The following PLEC variants were observed in gnomAD, a reference collection of about 807,000 sequenced individuals.
PLEC encodes the protein hemidesmosomal protein 1.
Under a neutral mutation model 392.8 loss-of-function variants are expected in PLEC, and 216 were observed. The ratio of observed to expected loss-of-function variants is 0.55; its 90% CI spans 0.49 to 0.62. The LOEUF (loss-of-function observed/expected upper bound fraction) is 0.62. Among genes scored for constraint, PLEC ranks in the 20% least tolerant of loss-of-function variants. The pLI, the probability that PLEC is intolerant of heterozygous loss-of-function variation, is 0.00. For synonymous variants in PLEC, 3,621 were observed against 2,980.6 expected (o/e 1.21, Z -7.00); for missense variants, 6,863 against 6,563.4 (o/e 1.05, Z -1.58).
At chr8:143,928,072 C>G in intron 25 of PLEC, 80 bp from the exon 26 acceptor site, 1 of 1,499,848 alleles carries the variant, frequency 6.7e-7, no homozygotes, top group South Asian at 1.3e-5. Context: ...GCCACAGCGA[C>G]CCAGGGTGCT....
chr8:143,927,262 T>C lies in PLEC; in HGVS notation c.3830A>G (p.Asn1277Ser), dbSNP rs199949229. Residue 1277 changes from asparagine to serine, a missense_variant, in exon 28 of 32, where the codon AAC (asparagine) becomes AGC (serine). By Grantham distance (46) the Asn-to-Ser change is conservative (BLOSUM62 1). Coordinates refer to ENST00000345136, the MANE Select transcript of PLEC (RefSeq NM_201384.3). ...ECQRFAKQYINAIKDYELQLV... is the reference protein window; with the variant it reads ...ECQRFAKQYISAIKDYELQLV... ...GCGGCTGGGCCTCACCTTGATGGCG[T>C]TGATGTACTGTTTCGCAAACCTCTG... 3.7e-6 allele frequency: 6 copies of C among 1,612,972 alleles called. No homozygotes were observed. Among genetic ancestry groups the C allele is most frequent in the Non-Finnish European group, 5.1e-6 (6 of 1,179,814 alleles).
chr8:143,953,674 G>A (rs1019371494), upstream of PLEC: 2 of 1,573,348 alleles, frequency 1.3e-6, no homozygotes, highest in Admixed American at 1.7e-5. Context: ...CCCAGCCAGA[G>A]GTCACTGTGT....
chr8:143,949,274 T>G (rs1831850774), intron 1 of PLEC, among the ~76,000 whole-genome samples: 2 of 152,116 alleles, frequency 1.3e-5, no homozygotes, highest in South Asian at 4.1e-4. Flanking sequence ...AGCAAGCTGC[T>G]CCCAGGTGCC....
rs782149615 is a variant in PLEC at position 143,939,322 on chromosome 8, C to T, written c.112+28G>A. On this transcript the variant is annotated intron_variant, in intron 1 of 31. Transcript: ENST00000345136. ...TCCCGCAGGGGCCCGCCCTGCCTGGCGGGGGTGCCCGAGGGGAGCCCTGCT... is the reference window on the plus strand; with the variant it reads ...TCCCGCAGGGGCCCGCCCTGCCTGGTGGGGGTGCCCGAGGGGAGCCCTGCT... The T allele has an allele frequency of 6.3e-6, 10 of 1,599,148 alleles. No individual in the cohort carries two copies. The Admixed American group carries it at 8.6e-5, about 14-fold the overall frequency.
rs782148306 is a variant in PLEC at position 143,918,273 on chromosome 8, A to G, written c.11548T>C (p.Ser3850Pro). 6.3e-7 allele frequency: 1 copy of G among 1,592,020 alleles called. No individual in the cohort carries two copies. Among genetic ancestry groups the G allele is most frequent in the Non-Finnish European group, 8.5e-7 (1 of 1,176,662 alleles). Residue 3850 changes from serine (S) to proline (P), a missense_variant, in exon 32 of 32, where the codon TCC becomes CCC. Coordinates refer to ENST00000345136, the MANE Select transcript of PLEC (RefSeq NM_201384.3). ...PSEVRSYVDP[S>P]TDERLSYTQL... is the part of the protein sequence containing the mutation. Reference sequence around the variant, plus strand: ...GTGTAGCTGAGGCGCTCGTCGGTGGACGGGTCCACGTAGCTGCGCACCTCG... The same window carrying G: ...GTGTAGCTGAGGCGCTCGTCGGTGGGCGGGTCCACGTAGCTGCGCACCTCG...
intron 1 of PLEC, among the ~76,000 whole-genome samples, chr8:143,960,415 G>A (rs1403125266): frequency 6.6e-6 from 1 of 151,900 alleles, no homozygotes; most frequent in East Asian, 1.9e-4. Flanking sequence ...TCAGAAGTTC[G>A]AGACCAGCCT....
At position 143,925,736 on chromosome 8, in the gene PLEC, T is replaced by C; in HGVS notation, c.4193A>G (p.Gln1398Arg). 1 of 1,595,332 alleles carries C rather than the reference T, an allele frequency of 6.3e-7. No individual in the cohort carries two copies. Among genetic ancestry groups the C allele is most frequent in the South Asian group, 1.1e-5 (1 of 90,688 alleles). ...REAKELQQRM[Q>R]EEVVRREEAA... ...CTCCTCCCGCCGCACCACCTCCTCC[T>C]GCATGCGCTGCTGCAGCTCCTTCGC... is the stretch of plus-strand genomic sequence containing the variant. The change falls in exon 31 of 32, where the codon CAG becomes CGG. Residue 1398 changes from glutamine to arginine, a missense_variant. Gln to Arg is a conservative substitution (Grantham distance 43). Coordinates refer to ENST00000345136, the MANE Select transcript of PLEC (RefSeq NM_201384.3).
upstream of PLEC, among the ~76,000 whole-genome samples, chr8:143,956,471 G>A (rs1832601925): frequency 6.6e-6 from 1 of 152,216 alleles, no homozygotes. Flanking sequence ...GGGATGCTGA[G>A]GCAGAAGGAC....
upstream of PLEC, chr8:143,973,575 G>T (rs1222329167): frequency 2.6e-5 from 26 of 983,176 alleles, no homozygotes; most frequent in Non-Finnish European, 2.4e-5. The surrounding 1 kb of genome is among the most constrained non-coding windows in gnomAD (Gnocchi z 5.6). Flanking sequence ...CCCCCGCCCC[G>T]CCCCCGCCCC....
intron 1 of PLEC, among the ~76,000 whole-genome samples, chr8:143,948,651 C>T (rs1461152038): frequency 2.0e-5 from 3 of 152,230 alleles, no homozygotes; most frequent in East Asian, 1.9e-4. Context: ...ACTGAGTCAC[C>T]TCCATCGGGG....
chr8:143,921,771 G>A lies in PLEC; in HGVS notation c.8050C>T (p.Arg2684Trp), dbSNP rs35723243. The change falls in exon 32 of 32, where the codon CGG (arginine) becomes TGG (tryptophan). Residue 2684 changes from arginine to tryptophan, a missense_variant. Coordinates refer to ENST00000345136, the MANE Select transcript of PLEC (RefSeq NM_201384.3). Reference sequence around the variant, plus strand: ...AGGTAGTGGCGCACGTCTTCCCGCCGTGCGAGCTCGTCCACCGTGGTGTGG... The same window carrying A: ...AGGTAGTGGCGCACGTCTTCCCGCCATGCGAGCTCGTCCACCGTGGTGTGG... ...QGHTTVDELA[R>W]REDVRHYLQG... 0.03 allele frequency: 48,811 copies of A among 1,611,770 alleles called. 897 individuals are homozygous for A. Among genetic ancestry groups the A allele is most frequent in the Non-Finnish European group, 0.036 (42,220 of 1,179,858 alleles).
At chr8:143,935,732 G>T in intron 6 of PLEC, 116 bp downstream of exon 6, 1 of 1,154,816 alleles carries the variant, frequency 8.7e-7, no homozygotes, top group Non-Finnish European at 1.3e-6. Context: ...CGGCCAGCTG[G>T]CACTCATCCC....
chr8:143,942,200 A>G (rs577069506), upstream of PLEC, among the ~76,000 whole-genome samples: 23 of 151,436 alleles, frequency 1.5e-4, no homozygotes, highest in African/African-American at 4.8e-4. Flanking sequence ...TCTAGAGACA[A>G]ACAAATGGGG....
rs1554690242 is a variant in PLEC at position 143,922,711 on chromosome 8, G to C, written c.7218C>G (p.Phe2406Leu). The change falls in exon 31 of 32, where the codon TTC becomes TTG. Residue 2406 changes from phenylalanine (F) to leucine (L), a missense_variant. By Grantham distance (22) the Phe-to-Leu change is conservative. Coordinates refer to ENST00000345136, the MANE Select transcript of PLEC (RefSeq NM_201384.3). ...CACCGATCTCCTCCGCCTGCTTCCG[G>C]AAGCGCTGGGCGTCCTCCTCAGCGC... is the stretch of plus-strand genomic sequence containing the variant. The part of the protein sequence containing the change: ...QARAEEDAQR[F>L]RKQAEEIGEK... 2 of 1,612,176 alleles carry C rather than the reference G, an allele frequency of 1.2e-6. No homozygotes were observed. The highest frequency in any genetic ancestry group is 1.3e-5 in the African/African-American group (1 of 74,974).
chr8:143,934,233 G>GGGGGC (rs1828298022), intron 11 of PLEC, 85 bp downstream of exon 11: 6 of 1,594,274 alleles, frequency 3.8e-6, no homozygotes, highest in East Asian at 4.5e-5. Context: ...TTCCCCCGCC[G>GGGGGC]GGGGCGGGGC....
rs782138337 is a variant in PLEC at position 143,917,637 on chromosome 8, G to C, written c.12184C>G (p.Pro4062Ala). The C allele has an allele frequency of 6.2e-7, 1 of 1,613,648 alleles. No homozygotes were observed. Among genetic ancestry groups the C allele is most frequent in the Non-Finnish European group, 8.5e-7 (1 of 1,180,022 alleles). ...CCGCGCTTGTAGGCCACCTCCACGG[G>C]CAGCCGGTGGCTCTCCTCAGGGTCG... ...IIDPEESHRL[P>A]VEVAYKRGLF... The change falls in exon 32 of 32, where the codon CCC (proline) becomes GCC (alanine). Residue 4062 changes from proline (P) to alanine (A), a missense_variant. Coordinates refer to ENST00000345136, the MANE Select transcript of PLEC (RefSeq NM_201384.3).
At position 143,929,299 on chromosome 8, in the gene PLEC, G is replaced by A. The variant is rs782799252; in HGVS notation, c.3082-18C>T. 6.3e-7 allele frequency: 1 copy of A among 1,598,740 alleles called. No homozygotes were observed. The highest frequency in any genetic ancestry group is 8.5e-7 in the Non-Finnish European group (1 of 1,179,220). ...TGTGCCTTCTGCAAAGACAGGGAGT[G>A]GGAACGCACTCATCACCGAGCGCAG... On this transcript the variant is annotated intron_variant, in intron 24 of 31. Transcript: ENST00000345136.
chr8:143,948,078 A>G (rs939023278), intron 1 of PLEC, among the ~76,000 whole-genome samples: 1 of 152,194 alleles, frequency 6.6e-6, no homozygotes, highest in Non-Finnish European at 1.5e-5. Context: ...TGGCTAAACA[A>G]GCAGGTGGAC....
rs201199272 is a variant in PLEC at position 143,920,694 on chromosome 8, C to T, written c.9127G>A (p.Ala3043Thr). 3.9e-5 allele frequency: 63 copies of T among 1,602,712 alleles called. No individual in the cohort carries two copies. The highest frequency in any genetic ancestry group is 4.7e-5 in the Non-Finnish European group (56 of 1,179,894). ...EAGQKLSIYN[A>T]LKKDLLPSDM... ...GATGGCAGCAGGTCTTTCTTCAGGG[C>T]ATTGTAGATACTCAGCTTCTGCCCC... is the stretch of plus-strand genomic sequence containing the variant. The change falls in exon 32 of 32, where the codon GCC becomes ACC. Residue 3043 changes from alanine (A) to threonine (T), a missense_variant. Ala to Thr is a moderately conservative substitution (Grantham distance 58). Transcript: ENST00000345136.
Sources: allele counts gnomAD v4.1 joint callset (sites outside exome capture counted in the v4.1 genomes callset), GRCh38; gene constraint gnomAD v4.1.1; non-coding constraint Gnocchi (gnomAD v3.1); transcripts MANE v1.5; gene names NCBI Gene and HGNC (gene_info 2026-07-23, HGNC 2026-07-21).